Variants in ATXN10 observed in about 807,000 individuals in gnomAD.
ATXN10 encodes ataxin 10.
Under a neutral mutation model 52.9 loss-of-function variants are expected in ATXN10, and 28 were observed. The ratio of observed to expected loss-of-function variants is 0.53; its 90% CI spans 0.39 to 0.73. The LOEUF (loss-of-function observed/expected upper bound fraction) is 0.73. Ranked by LOEUF, ATXN10 falls within the 30% of genes least tolerant of loss-of-function variation. The pLI is 0.00. For synonymous variants in ATXN10, 226 were observed against 221.5 expected (o/e 1.02, Z -0.18); for missense variants, 565 against 577.0 (o/e 0.98, Z 0.21).
At chr22:45,691,805 A>G (rs981616153) in intron 2 of ATXN10, among the ~76,000 whole-genome samples, 7 of 152,214 alleles carry the variant, frequency 4.6e-5, no homozygotes, top group African/African-American at 1.4e-4. Context: ...AGGCAGGAGA[A>G]TCACTTGAAC....
At position 45,705,909 on chromosome 22, in the gene ATXN10, G is replaced by A. The variant is rs900238689; in HGVS notation, c.647+3062G>A. ...AGGACCACATAGCACAAGATAAGCA[G>A]CAGGCAAGCAAGCATTCCTGCCTGA... On this transcript the variant is annotated intron_variant, in intron 5 of 11. Transcript: ENST00000252934. The surrounding 1 kb of genome is among the most constrained non-coding windows in gnomAD (Gnocchi z 5.2). 6.6e-6 allele frequency among the ~76,000 whole-genome samples: 1 copy of A among 152,164 alleles called. No individual in the cohort carries two copies. The highest frequency in any genetic ancestry group is 6.5e-5 in the Admixed American group (1 of 15,284).
In ATXN10 at chr22:45,841,856, G is replaced by A. The variant is rs1929355126; in HGVS notation, c.1238-1135G>A. Among the ~76,000 whole-genome samples the A allele has an allele frequency of 1.3e-5, 2 of 152,156 alleles. No individual in the cohort carries two copies. The highest frequency in any genetic ancestry group is 4.8e-5 in the African/African-American group (2 of 41,446). ...AGAACTGGTCCACAGCGTTGCACAG[G>A]GGTGTTCAGGACAAGATCAGAAGAC... On this transcript the variant is annotated intron_variant, in intron 10 of 11. Transcript: ENST00000252934. The surrounding 1 kb of genome is among the most constrained non-coding windows in gnomAD (Gnocchi z 5.1).
chr22:45,767,333 A>G (rs561472815), intron 9 of ATXN10, among the ~76,000 whole-genome samples: 1 of 152,224 alleles, frequency 6.6e-6, no homozygotes, highest in East Asian at 1.9e-4. Flanking sequence ...CAATCGCAAA[A>G]CATTTTTATA....
intron 10 of ATXN10, among the ~76,000 whole-genome samples, chr22:45,817,593 G>A (rs1928507844): frequency 6.6e-6 from 1 of 151,808 alleles, no homozygotes; most frequent in Non-Finnish European, 1.5e-5. Context: ...CCAAAGTGCT[G>A]GGATTACAGG....
At position 45,780,154 on chromosome 22, in the gene ATXN10, G is replaced by C. The variant is rs1927097223; in HGVS notation, c.1174-26805G>C. ...GCTGGAGTGCAGTGGCACGATCTTG[G>C]TTCACTGCAACCTCCACCTCCCAGG... is the stretch of plus-strand genomic sequence containing the variant. On this transcript the variant is annotated intron_variant, in intron 9 of 11. Coordinates refer to ENST00000252934, the MANE Select transcript of ATXN10 (RefSeq NM_013236.4). The surrounding 1 kb of genome is among the most constrained non-coding windows in gnomAD (Gnocchi z 4.0). Among the ~76,000 whole-genome samples, 1 of 151,228 alleles carries C rather than the reference G, an allele frequency of 6.6e-6. No individual in the cohort carries two copies. Among genetic ancestry groups the C allele is most frequent in the Non-Finnish European group, 1.5e-5 (1 of 67,962 alleles).
chr22:45,672,095 T>A lies in ATXN10; in HGVS notation c.32T>A (p.Leu11Gln). MAAPRPPPAR[L>Q]SGVMVPAPIQ... Reference sequence around the variant, plus strand: ...GCGCCCAGGCCGCCGCCTGCCAGGCTGTCGGGCGTCATGGTGCCGGCGCCC... The same window carrying A: ...GCGCCCAGGCCGCCGCCTGCCAGGCAGTCGGGCGTCATGGTGCCGGCGCCC... The change falls in exon 1 of 12, where the codon CTG becomes CAG. Residue 11 changes from leucine (L) to glutamine (Q), a missense_variant. By Grantham distance (113) the Leu-to-Gln change is moderately radical. Coordinates refer to ENST00000252934, the MANE Select transcript of ATXN10 (RefSeq NM_013236.4). 6.5e-7 allele frequency: 1 copy of A among 1,538,816 alleles called. No individual in the cohort carries two copies. The highest frequency in any genetic ancestry group is 8.7e-7 in the Non-Finnish European group (1 of 1,145,282).
intron 9 of ATXN10, among the ~76,000 whole-genome samples, chr22:45,803,704 T>G (rs550022530): frequency 6.6e-6 from 1 of 152,274 alleles, no homozygotes; most frequent in South Asian, 2.1e-4. Flanking sequence ...CTTTCCCATT[T>G]GCAGACTTTA....
intron 9 of ATXN10, among the ~76,000 whole-genome samples, chr22:45,749,111 TAGGCTCCAGGCCCTTGACCTG>T (rs1279727164): frequency 3.3e-5 from 1 of 30,634 alleles, no homozygotes; most frequent in Non-Finnish European, 1.1e-4. Context: ...GCAAACTAAC[TAGGCTCCAGGCCCTTGACCTG>T]TGCTTCATCG....
intron 9 of ATXN10, among the ~76,000 whole-genome samples, chr22:45,761,522 T>G (rs1926390512): frequency 6.6e-6 from 1 of 152,242 alleles, no homozygotes. Flanking sequence ...CTCACCAACC[T>G]TTATGGAAGA....
chr22:45,793,896 G>A (rs1927610740), intron 9 of ATXN10: 1 of 1,241,408 alleles, frequency 8.1e-7, no homozygotes. Flanking sequence ...GTGTATAGCA[G>A]CAGCAGAGGT....
At chr22:45,749,054 T>C (rs904637719) in intron 9 of ATXN10, among the ~76,000 whole-genome samples, 9 of 152,216 alleles carry the variant, frequency 5.9e-5, no homozygotes, top group African/African-American at 1.9e-4. Flanking sequence ...ATACTAATTA[T>C]ATAATTGCAA....
At position 45,822,388 on chromosome 22, in the gene ATXN10, G is replaced by A. The variant is rs117582712; in HGVS notation, c.1237+15366G>A. 3.4e-4 allele frequency among the ~76,000 whole-genome samples: 51 copies of A among 152,118 alleles called. No homozygotes were observed. The East Asian group carries it at 9.3e-3, about 28-fold the overall frequency. ...TGATGCCAAACTCTTCAGAGTAGTG[G>A]TACCTGTTTTCCATCAGCAGTATAT... On this transcript the variant is annotated intron_variant, in intron 10 of 11. Coordinates refer to ENST00000252934, the MANE Select transcript of ATXN10 (RefSeq NM_013236.4).
intron 9 of ATXN10, among the ~76,000 whole-genome samples, chr22:45,742,677 A>G (rs576340995): frequency 6.6e-6 from 1 of 152,308 alleles, no homozygotes; most frequent in African/African-American, 2.4e-5. Flanking sequence ...CCGCTTTAGG[A>G]TGCTAAATGT....
chr22:45,808,751 C>T (rs995239589), intron 10 of ATXN10, among the ~76,000 whole-genome samples: 1 of 152,122 alleles, frequency 6.6e-6, no homozygotes, highest in Admixed American at 6.5e-5. Flanking sequence ...TAAAAGTCAC[C>T]GGGAGGAGAC....
rs1642515642 is a variant in ATXN10 at position 45,823,371 on chromosome 22, A to G, written c.1237+16349A>G. On this transcript the variant is annotated intron_variant, in intron 10 of 11. Coordinates refer to ENST00000252934, the MANE Select transcript of ATXN10 (RefSeq NM_013236.4). The surrounding 1 kb of genome is among the most constrained non-coding windows in gnomAD (Gnocchi z 4.9). ...TAAAGGCTTTACAGTTTTGCCTTCT[A>G]TCTGGATTTGTAATCTATCAGAATT... 1.3e-5 allele frequency: 4 copies of G among 316,042 alleles called. No homozygotes were observed. Among genetic ancestry groups the G allele is most frequent in the Admixed American group, 4.4e-5 (1 of 22,704 alleles). The allele number at this position is 316,042 out of a possible 1,614,324, so 19.6% of individuals were successfully genotyped here.
At chr22:45,720,359 T>G (rs1382448343) in intron 6 of ATXN10, among the ~76,000 whole-genome samples, 2 of 151,688 alleles carry the variant, frequency 1.3e-5, no homozygotes, top group African/African-American at 4.8e-5. Context: ...GGTCTTGCTG[T>G]GTGTTGCCCA....
chr22:45,724,562 A>G (rs1345581883), intron 6 of ATXN10, among the ~76,000 whole-genome samples: 1 of 151,942 alleles, frequency 6.6e-6, no homozygotes, highest in Non-Finnish European at 1.5e-5. Context: ...TAGATTCTGG[A>G]TATTAGTTCT....
Position 45,806,940 on chromosome 22 carries a change from T to C in ATXN10, c.1174-19T>C. 6.2e-7 allele frequency: 1 copy of C among 1,605,474 alleles called. No individual in the cohort carries two copies. Among genetic ancestry groups the C allele is most frequent in the Non-Finnish European group, 8.5e-7 (1 of 1,172,146 alleles). ...GCCATGCTGTTTTCAGTGTATAAAC[T>C]TATCTTCTTTCTCTCTAGGTAAATG... On this transcript the variant is annotated intron_variant, in intron 9 of 11. Coordinates refer to ENST00000252934, the MANE Select transcript of ATXN10 (RefSeq NM_013236.4).
In ATXN10 at chr22:45,738,819, G is replaced by A; in HGVS notation, c.983G>A (p.Gly328Asp). The change falls in exon 8 of 12, where the codon GGC (glycine) becomes GAC (aspartate). Residue 328 changes from glycine to aspartate, a missense_variant. Transcript: ENST00000252934. The stretch of plus-strand genomic sequence containing the variant: ...CTCGGCTATCTGCAGGTTTTCCCTG[G>A]CTTGCTGGAAAGAGTGATTGGTGAG... ...ELLGYLQVFPGLLERVIDLLR... is the reference protein window; with the variant it reads ...ELLGYLQVFPDLLERVIDLLR... The A allele has an allele frequency of 6.2e-7, 1 of 1,614,076 alleles. No homozygotes were observed. Among genetic ancestry groups the A allele is most frequent in the Non-Finnish European group, 8.5e-7 (1 of 1,179,938 alleles).
Sources: allele counts gnomAD v4.1 joint callset (sites outside exome capture counted in the v4.1 genomes callset), GRCh38; gene constraint gnomAD v4.1.1; non-coding constraint Gnocchi (gnomAD v3.1); transcripts MANE v1.5; gene names NCBI Gene and HGNC (gene_info 2026-07-23, HGNC 2026-07-21).